Variants in FREM3 observed in about 807,000 individuals in gnomAD.
The protein encoded by FREM3 is FRAS1-related extracellular matrix protein 3.
FREM3 carries 105 observed loss-of-function variants against 129.1 expected under a neutral mutation model. The observed-to-expected ratio is 0.81, with a 90% CI of 0.69 to 0.96. FREM3 has a LOEUF of 0.96. Among genes scored for constraint, FREM3 ranks in the 40% least tolerant of loss-of-function variants. The pLI is 0.00. For missense variants in FREM3, 2,593 were observed against 2,666.3 expected, an observed-to-expected ratio of 0.97 and a Z score of 0.61; for synonymous variants, 1,014 against 1,044.9, an observed-to-expected ratio of 0.97 and a Z score of 0.57.
intron 6 of FREM3, among the ~76,000 whole-genome samples, chr4:143,609,790 A>G (rs1182442570): frequency 6.6e-6 from 1 of 152,206 alleles, no homozygotes; most frequent in Non-Finnish European, 1.5e-5. Context: ...TGTCTCAACC[A>G]GACAAATTTA....
intron 6 of FREM3, 150 bp downstream of exon 6, chr4:143,611,129 A>ATTTGAAGAGCTACTCACAGTT: frequency 1.2e-6 from 1 of 807,878 alleles, no homozygotes; most frequent in South Asian, 1.9e-5. Context: ...ATGTCTATGC[A>ATTTGAAGAGCTACTCACAGTT]TTTGAAGAGC....
rs200203147 is a variant in FREM3 at position 143,611,474 on chromosome 4, G to A, written c.5833C>T (p.Arg1945Cys). Reference sequence around the variant, plus strand: ...AGGATGCTGGTGTGGTCTTCTGGACGTGAGATGTAATCAGAGAATAACACT... The same window carrying A: ...AGGATGCTGGTGTGGTCTTCTGGACATGAGATGTAATCAGAGAATAACACT... ...STVLFSDYIS[R>C]PEDHTSILHF... is the part of the protein sequence containing the mutation. The change falls in exon 6 of 8, where the codon CGT becomes TGT. Residue 1945 changes from arginine (R) to cysteine (C), a missense_variant. Coordinates refer to ENST00000329798, the MANE Select transcript of FREM3 (RefSeq NM_001168235.2). The A allele has an allele frequency of 2.7e-4, 415 of 1,536,992 alleles. No homozygotes were observed. The highest frequency in any genetic ancestry group is 3.3e-4 in the African/African-American group (24 of 73,034).
Position 143,595,889 on chromosome 4 carries a change from G to GGAAAAAA in FREM3, c.6029-9897_6029-9896insTTTTTTC, listed in dbSNP as rs750809003. Among the ~76,000 whole-genome samples, 60 of 110,666 alleles carry GGAAAAAA rather than the reference G, an allele frequency of 5.4e-4. 11 individuals are homozygous for GGAAAAAA. The highest frequency in any genetic ancestry group is 1.1e-3 in the Admixed American group (11 of 10,064). 72.6% of individuals were successfully genotyped at this position (110,666 alleles called of 152,430 possible). On this transcript the variant is annotated intron_variant, in intron 6 of 7. Coordinates refer to ENST00000329798, the MANE Select transcript of FREM3 (RefSeq NM_001168235.2). ...GGCGACAGAGCGAGACGCCATCTCA[G>GGAAAAAA]AAAAAAAAAAAAAAAGAAGGAACTG... is the stretch of plus-strand genomic sequence containing the variant.
At position 143,700,213 on chromosome 4, in the gene FREM3, G is replaced by A; in HGVS notation, c.463C>T (p.Pro155Ser). The change falls in exon 1 of 8, where the codon CCC becomes TCC. Residue 155 changes from proline to serine, a missense_variant. This residue lies in a region of FREM3 where 2,276 missense variants were observed against 2,267.2 expected (regional missense o/e 1.00). Transcript: ENST00000329798. ...YDAPTHTLVL[P>S]FTLAVDLVFS... ...ACCAAGTCCACCGCCAGCGTGAAGG[G>A]CAGCACCAGAGTGTGAGTCGGGGCG... 6 of 1,536,994 alleles carry A rather than the reference G, an allele frequency of 3.9e-6. No homozygotes were observed. Among genetic ancestry groups the A allele is most frequent in the Non-Finnish European group, 5.2e-6 (6 of 1,146,884 alleles).
chr4:143,679,138 A>G (rs1740203039), intron 2 of FREM3, among the ~76,000 whole-genome samples: 1 of 152,206 alleles, frequency 6.6e-6, no homozygotes. Context: ...ACCAGAAATT[A>G]TAGGTCATTT....
intron 2 of FREM3, among the ~76,000 whole-genome samples, chr4:143,632,262 G>A (rs1739154096): frequency 6.6e-6 from 1 of 152,074 alleles, no homozygotes; most frequent in Non-Finnish European, 1.5e-5. Flanking sequence ...AGCAAATAAT[G>A]TATAATATAG....
chr4:143,664,930 A>T (rs1222902215), intron 2 of FREM3, among the ~76,000 whole-genome samples: 1 of 152,170 alleles, frequency 6.6e-6, no homozygotes. Flanking sequence ...CCGTTTTTTA[A>T]GCCCGTCGGA....
intron 7 of FREM3, among the ~76,000 whole-genome samples, chr4:143,578,939 G>GAGTGTAT (rs1738086763): frequency 6.6e-6 from 1 of 152,086 alleles, no homozygotes; most frequent in Non-Finnish European, 1.5e-5. Context: ...AGTAGATTAT[G>GAGTGTAT]CAAGTGTATC....
At chr4:143,590,775 C>T (rs1033875263) in intron 6 of FREM3, among the ~76,000 whole-genome samples, 1 of 152,242 alleles carries the variant, frequency 6.6e-6, no homozygotes, top group East Asian at 1.9e-4. Flanking sequence ...GGAGGATTCC[C>T]TCTTTTTCTA....
At chr4:143,663,776 G>A (rs1739790001) in intron 2 of FREM3, among the ~76,000 whole-genome samples, 2 of 152,026 alleles carry the variant, frequency 1.3e-5, no homozygotes, top group South Asian at 4.1e-4. Flanking sequence ...TGGAGGCTTT[G>A]TTCATTTCTT....
intron 2 of FREM3, among the ~76,000 whole-genome samples, chr4:143,679,301 A>G (rs1017979829): frequency 6.6e-6 from 1 of 152,148 alleles, no homozygotes; most frequent in South Asian, 2.1e-4. Context: ...GTTCCTTACC[A>G]TTCTCTCATT....
chr4:143,631,254 T>C (rs972841370), intron 2 of FREM3, among the ~76,000 whole-genome samples: 1 of 152,192 alleles, frequency 6.6e-6, no homozygotes, highest in Admixed American at 6.5e-5. Context: ...TGCTTAAATC[T>C]TGAAGGAGCT....
Position 143,698,940 on chromosome 4 carries a change from A to G in FREM3, c.1736T>C (p.Ile579Thr). 2 of 1,537,246 alleles carry G rather than the reference A, an allele frequency of 1.3e-6. No individual in the cohort carries two copies. The highest frequency in any genetic ancestry group is 1.7e-6 in the Non-Finnish European group (2 of 1,146,918). The change falls in exon 1 of 8, where the codon ATC becomes ACC. Residue 579 changes from isoleucine (I) to threonine (T), a missense_variant. By Grantham distance (89) the Ile-to-Thr change is moderately conservative. This residue lies in a region of FREM3 where 2,276 missense variants were observed against 2,267.2 expected (regional missense o/e 1.00). Transcript: ENST00000329798. ...ATDIDSEDST[I>T]HFVLENQPLK... ...GGGCTGGTTCTCCAGCACAAAGTGG[A>G]TGGTTGAGTCCTCAGAGTCAATATC...
In FREM3 at chr4:143,611,277, A is replaced by C; in HGVS notation, c.6028+2T>G. ...AGGTTGGAAAGCAACAAATGGACTT[A>C]CCATCATAACGATCAGCCAGAATAG... On this transcript the variant is annotated splice_donor_variant, in intron 6 of 7. Coordinates refer to ENST00000329798, the MANE Select transcript of FREM3 (RefSeq NM_001168235.2). LOFTEE classifies it high-confidence loss of function. The C allele has an allele frequency of 6.5e-7, 1 of 1,534,960 alleles. No individual in the cohort carries two copies. Among genetic ancestry groups the C allele is most frequent in the Non-Finnish European group, 8.7e-7 (1 of 1,145,212 alleles).
At chr4:143,676,839 C>G (rs569275522) in intron 2 of FREM3, among the ~76,000 whole-genome samples, 3 of 151,502 alleles carry the variant, frequency 2.0e-5, no homozygotes, top group Admixed American at 6.6e-5. Context: ...TTACAAGGGA[C>G]GTGAAGGACC....
intron 4 of FREM3, 33 bp from the exon 5 acceptor site, chr4:143,621,195 A>C: frequency 6.5e-7 from 1 of 1,534,634 alleles, no homozygotes; most frequent in East Asian, 2.4e-5. Context: ...TTTCACCAAG[A>C]TTTAGATTTG....
Position 143,577,738 on chromosome 4 carries a change from G to C in FREM3, c.6293C>G (p.Pro2098Arg), listed in dbSNP as rs898062033. 2.6e-6 allele frequency: 4 copies of C among 1,537,266 alleles called. No homozygotes were observed. Among genetic ancestry groups the C allele is most frequent in the Non-Finnish European group, 2.6e-6 (3 of 1,146,926 alleles). ...CTGAAGAAGTAATTCAAACTTCTCT[G>C]GGCCTTCCAAGGTAGGCTGTCCCAG... is the stretch of plus-strand genomic sequence containing the variant. ...DDLGQPTLEG[P>R]EKFELLLQMP... is the part of the protein sequence containing the mutation. The change falls in exon 8 of 8, where the codon CCA becomes CGA. Residue 2098 changes from proline (P) to arginine (R), a missense_variant. Physicochemically the swap from Pro to Arg is moderately radical, Grantham distance 103 (BLOSUM62 -2). Transcript: ENST00000329798.
At chr4:143,655,594 C>T (rs1002147816) in intron 2 of FREM3, among the ~76,000 whole-genome samples, 2 of 152,194 alleles carry the variant, frequency 1.3e-5, no homozygotes, top group African/African-American at 2.4e-5. Flanking sequence ...CAAAAGGCAG[C>T]ATCTTTTAAT....
At chr4:143,578,822 GA>G (rs555238903) in intron 7 of FREM3, among the ~76,000 whole-genome samples, 10 of 152,282 alleles carry the variant, frequency 6.6e-5, no homozygotes, top group Admixed American at 2.6e-4. Context: ...GTAGGTTGAA[GA>G]AAACAAAAGC....
Sources: gnomAD v4.1 joint callset for allele counts (sites outside exome capture counted in the v4.1 genomes callset) on GRCh38, gnomAD v4.1.1 for gene constraint, gnomAD v4.1.1 regional missense constraint, MANE v1.5 for transcripts, NCBI Gene and HGNC (gene_info 2026-07-23, HGNC 2026-07-21) for gene names.